Variants in GRID1 observed in about 807,000 individuals in gnomAD.
GRID1 encodes glutamate receptor ionotropic, delta-1.
Under a neutral mutation model 98.0 loss-of-function variants are expected in GRID1, and 28 were observed. The observed-to-expected ratio is 0.29, with a 90% confidence interval of 0.21 to 0.39. GRID1 has a LOEUF of 0.39. Among genes scored for constraint, GRID1 ranks in the 10% least tolerant of loss-of-function variants. GRID1 has a pLI of 1.00. For missense variants in GRID1, 1,111 were observed against 1,340.5 expected (o/e 0.83, Z 2.67); for synonymous variants, 553 against 538.5 (o/e 1.03, Z -0.37).
intron 6 of GRID1, among the ~76,000 whole-genome samples, chr10:85,863,474 AT>A (rs1019133529): frequency 6.6e-6 from 1 of 152,152 alleles, no homozygotes; most frequent in Non-Finnish European, 1.5e-5. Flanking sequence ...GCAGAAGGGA[AT>A]TTGTTGTCTT....
intron 3 of GRID1, among the ~76,000 whole-genome samples, chr10:86,172,851 G>A (rs994158204): frequency 1.3e-5 from 2 of 152,082 alleles, no homozygotes; most frequent in African/African-American, 4.8e-5. Flanking sequence ...TATTTTACTT[G>A]TTATTATAAA....
intron 6 of GRID1, among the ~76,000 whole-genome samples, chr10:85,863,343 G>A (rs1466873182): frequency 1.3e-5 from 2 of 152,108 alleles, no homozygotes; most frequent in Non-Finnish European, 2.9e-5. Context: ...CCATTTATGA[G>A]GGCTCCCCCC....
chr10:86,077,307 T>A (rs142182816), intron 4 of GRID1, among the ~76,000 whole-genome samples: 3 of 152,286 alleles, frequency 2.0e-5, no homozygotes, highest in Non-Finnish European at 4.4e-5. Context: ...AAGCCTCAAC[T>A]CCTCAGGACA....
chr10:86,082,691 C>A (rs1843994001), intron 4 of GRID1, among the ~76,000 whole-genome samples: 1 of 152,116 alleles, frequency 6.6e-6, no homozygotes, highest in Non-Finnish European at 1.5e-5. Context: ...AACTTTTTAG[C>A]CCCCCAGGCC....
chr10:86,346,532 T>C (rs1848384722), intron 2 of GRID1, among the ~76,000 whole-genome samples: 1 of 152,250 alleles, frequency 6.6e-6, no homozygotes. Flanking sequence ...AGGGGACTTC[T>C]TAATGAGATT....
chr10:85,889,799 C>G (rs566524176), intron 5 of GRID1, among the ~76,000 whole-genome samples: 3 of 152,330 alleles, frequency 2.0e-5, no homozygotes, highest in East Asian at 3.9e-4. Flanking sequence ...TTCTCACCAA[C>G]AGTGTGTTAA....
At chr10:86,122,152 C>G (rs576007179) in intron 4 of GRID1, among the ~76,000 whole-genome samples, 1 of 152,224 alleles carries the variant, frequency 6.6e-6, no homozygotes, top group Non-Finnish European at 1.5e-5. Context: ...CCACACATTA[C>G]GTCCTTTAAA....
chr10:86,260,915 G>C (rs1847007525), intron 2 of GRID1, among the ~76,000 whole-genome samples: 2 of 152,240 alleles, frequency 1.3e-5, no homozygotes, highest in South Asian at 4.1e-4. Context: ...CTTTAATTTG[G>C]AGCTAAACAA....
At chr10:85,921,605 G>C (rs369424446) in intron 4 of GRID1, among the ~76,000 whole-genome samples, 2 of 152,338 alleles carry the variant, frequency 1.3e-5, no homozygotes, top group East Asian at 3.9e-4. Flanking sequence ...TGCACAGAAA[G>C]GAGTCCCTGA....
At chr10:86,177,745 AGT>A (rs1364714901) in intron 3 of GRID1, among the ~76,000 whole-genome samples, 1 of 151,518 alleles carries the variant, frequency 6.6e-6, no homozygotes, top group Admixed American at 6.6e-5. Context: ...TGAGCGAGAC[AGT>A]GTGTGCGTGC....
chr10:86,228,850 TG>T (rs1264202692), intron 2 of GRID1, among the ~76,000 whole-genome samples: 1 of 152,172 alleles, frequency 6.6e-6, no homozygotes, highest in Non-Finnish European at 1.5e-5. Flanking sequence ...TCTAAAGAGC[TG>T]GGACCCCAGG....
intron 4 of GRID1, among the ~76,000 whole-genome samples, chr10:86,067,402 A>C (rs1040608847): frequency 6.6e-6 from 1 of 152,188 alleles, no homozygotes; most frequent in African/African-American, 2.4e-5. Context: ...GATATTGCGC[A>C]CCAAGGGACT....
intron 5 of GRID1, among the ~76,000 whole-genome samples, chr10:85,882,735 C>T (rs369661962): frequency 1.1e-4 from 16 of 152,160 alleles, no homozygotes; most frequent in Non-Finnish European, 2.1e-4. Context: ...AACAAACGTG[C>T]ACATTGTGCA....
At chr10:85,903,079 T>C (rs1841412253) in intron 5 of GRID1, among the ~76,000 whole-genome samples, 1 of 152,118 alleles carries the variant, frequency 6.6e-6, no homozygotes, top group South Asian at 2.1e-4. Flanking sequence ...ATATCCCCTA[T>C]ATGCAGATGG....
chr10:85,755,896 C>T (rs2132691959), intron 8 of GRID1, among the ~76,000 whole-genome samples: 1 of 152,248 alleles, frequency 6.6e-6, no homozygotes, highest in Non-Finnish European at 1.5e-5. Flanking sequence ...CAGAGCCCTT[C>T]CCACAGGCCA....
At chr10:86,361,839 C>T (rs1472861758) in intron 2 of GRID1, among the ~76,000 whole-genome samples, 1 of 152,258 alleles carries the variant, frequency 6.6e-6, no homozygotes, top group Non-Finnish European at 1.5e-5. Context: ...ACAGCTTCTC[C>T]TTTTAATGGA....
At chr10:86,119,500 A>G (rs933563788) in intron 4 of GRID1, among the ~76,000 whole-genome samples, 3 of 152,216 alleles carry the variant, frequency 2.0e-5, no homozygotes, top group Admixed American at 1.3e-4. Flanking sequence ...TCTCTATAGT[A>G]TCTTCATAAT....
chr10:86,069,999 G>A (rs1213944188), intron 4 of GRID1, among the ~76,000 whole-genome samples: 1 of 152,168 alleles, frequency 6.6e-6, no homozygotes, highest in African/African-American at 2.4e-5. Flanking sequence ...TATGGTGCCT[G>A]TAGAGGGCAA....
At chr10:86,103,214 G>T (rs1844325481) in intron 4 of GRID1, among the ~76,000 whole-genome samples, 1 of 152,134 alleles carries the variant, frequency 6.6e-6, no homozygotes, top group African/African-American at 2.4e-5. Context: ...CCCCTCACTG[G>T]TCAGCCCACT....
Sources: gnomAD v4.1 joint callset for allele counts (sites outside exome capture counted in the v4.1 genomes callset) on GRCh38, gnomAD v4.1.1 for gene constraint, MANE v1.5 for transcripts, NCBI Gene and HGNC (gene_info 2026-07-23, HGNC 2026-07-21) for gene names.